Variants in SPINK5 observed in about 807,000 individuals in gnomAD.
SPINK5 encodes the protein serine protease inhibitor Kazal-type 5.
SPINK5 carries 125 observed loss-of-function variants against 151.8 expected under a neutral mutation model. The ratio of observed to expected loss-of-function variants is 0.82; its 90% confidence interval spans 0.71 to 0.96. The LOEUF is 0.96. Among genes scored for constraint, SPINK5 ranks in the 40% least tolerant of loss-of-function variants. SPINK5 has a pLI of 0.00. For synonymous variants in SPINK5, 374 were observed against 395.3 expected, an observed-to-expected ratio of 0.95 and a Z score of 0.64; for missense variants, 1,194 against 1,291.9, an observed-to-expected ratio of 0.92 and a Z score of 1.16.
At position 148,101,884 on chromosome 5, in the gene SPINK5, C is replaced by T; in HGVS notation, c.1406C>T (p.Thr469Ile). 4 of 1,613,706 alleles carry T rather than the reference C, an allele frequency of 2.5e-6. No individual in the cohort carries two copies. The highest frequency in any genetic ancestry group is 3.4e-6 in the Non-Finnish European group (4 of 1,179,728). Residue 469 changes from threonine to isoleucine, a missense_variant, in exon 15 of 33, where the codon ACC becomes ATC. Physicochemically the swap from Thr to Ile is moderately conservative, Grantham distance 89. Transcript: ENST00000256084. ...QGPDGKMHGN[T>I]CSMCEAFFQQ... ...CCAGATGGAAAAATGCATGGCAACACCTGCTCCATGTGTGAGGCCTTCTTG... is the reference window on the plus strand; with the variant it reads ...CCAGATGGAAAAATGCATGGCAACATCTGCTCCATGTGTGAGGCCTTCTTG...
In SPINK5 at chr5:148,127,442, C is replaced by T. The variant is rs551030051; in HGVS notation, c.2964+363C>T. ...TCTTAGCTTCCTCACCTAGCTTCCG[C>T]TTATTTCCCTCCTCCAACCAAATCT... is the stretch of plus-strand genomic sequence containing the variant. On this transcript the variant is annotated intron_variant, in intron 30 of 32. Coordinates refer to ENST00000256084, the MANE Select transcript of SPINK5 (RefSeq NM_006846.4). Among the ~76,000 whole-genome samples the T allele has an allele frequency of 2.6e-5, 4 of 152,304 alleles. No homozygotes were observed. The South Asian group carries it at 8.3e-4, about 32-fold the overall frequency.
At chr5:148,124,640 T>G (rs1754380787) in intron 27 of SPINK5, 125 bp from the exon 28 acceptor site, 2 of 626,406 alleles carry the variant, frequency 3.2e-6, no homozygotes, top group Non-Finnish European at 5.0e-6. Flanking sequence ...CTTAGATTTT[T>G]TTTTAGGTAT....
In SPINK5 at chr5:148,131,343, G is replaced by A. The variant is rs560325947; in HGVS notation, c.3049G>A (p.Asp1017Asn). The part of the protein sequence containing the change: ...PKDLKPVCGD[D>N]GQTYNNPCML... The stretch of plus-strand genomic sequence containing the variant: ...GGATTTAAAGCCTGTCTGTGGTGAC[G>A]ATGGCCAAACCTACAACAATCCTTG... The change falls in exon 31 of 33, where the codon GAT (aspartate) becomes AAT (asparagine). Residue 1017 changes from aspartate to asparagine, a missense_variant. By Grantham distance (23) the Asp-to-Asn change is conservative (BLOSUM62 1). Coordinates refer to ENST00000256084, the MANE Select transcript of SPINK5 (RefSeq NM_006846.4). The A allele has an allele frequency of 1.2e-5, 19 of 1,613,804 alleles. No homozygotes were observed. The highest frequency in any genetic ancestry group is 1.6e-4 in the Middle Eastern group (1 of 6,084).
At chr5:148,098,071 A>G in intron 11 of SPINK5, 77 bp downstream of exon 11, 4 of 1,389,364 alleles carry the variant, frequency 2.9e-6, no homozygotes, top group Non-Finnish European at 4.0e-6. Context: ...TCTTTCATAG[A>G]TGGGGAGACT....
chr5:148,112,685 AAAAC>A (rs149567477), intron 19 of SPINK5, among the ~76,000 whole-genome samples, 179 bp from the exon 20 acceptor site: 2 of 151,556 alleles, frequency 1.3e-5, no homozygotes, highest in South Asian at 2.1e-4. Flanking sequence ...AAAAAACCAA[AAAAC>A]AAACAAACAA....
intron 1 of SPINK5, among the ~76,000 whole-genome samples, chr5:148,064,520 G>A (rs1231166795): frequency 6.6e-6 from 1 of 152,126 alleles, no homozygotes; most frequent in African/African-American, 2.4e-5. Context: ...TCAATCATCT[G>A]TTCTTATTTT....
chr5:148,112,525 T>C (rs1249507897), intron 19 of SPINK5, among the ~76,000 whole-genome samples: 1 of 151,920 alleles, frequency 6.6e-6, no homozygotes, highest in East Asian at 1.9e-4. Flanking sequence ...ATATAAAAAT[T>C]AACTGGGCAT....
intron 28 of SPINK5, among the ~76,000 whole-genome samples, chr5:148,125,281 A>G (rs1187971964): frequency 1.3e-5 from 2 of 152,232 alleles, no homozygotes; most frequent in African/African-American, 4.8e-5. Context: ...TCAGCATTAA[A>G]GAATCAGCAG....
intron 4 of SPINK5, among the ~76,000 whole-genome samples, chr5:148,079,475 A>G (rs1181136152): frequency 6.6e-6 from 1 of 151,230 alleles, no homozygotes; most frequent in East Asian, 1.9e-4. Flanking sequence ...ACTGACAAAT[A>G]TTCCTCATAA....
At position 148,124,436 on chromosome 5, in the gene SPINK5, A is replaced by G. The variant is rs3777131; in HGVS notation, c.2667-329A>G. On this transcript the variant is annotated intron_variant, in intron 27 of 32. Coordinates refer to ENST00000256084, the MANE Select transcript of SPINK5 (RefSeq NM_006846.4). ...TTGGTTATAATTTAATTGGAAAAGT[A>G]AAAATGAGAATTATAGCAACTTTCT... is the stretch of plus-strand genomic sequence containing the variant. 2.4e-3 allele frequency among the ~76,000 whole-genome samples: 364 copies of G among 152,364 alleles called. 8 individuals are homozygous for G. The East Asian group carries it at 0.061, about 26-fold the overall frequency.
intron 26 of SPINK5, among the ~76,000 whole-genome samples, chr5:148,121,146 A>G (rs1754251412): frequency 6.7e-6 from 1 of 148,550 alleles, no homozygotes; most frequent in Non-Finnish European, 1.5e-5. Context: ...TCTGTCTCAA[A>G]AAAAAAAAAA....
At chr5:148,103,933 G>C (rs1158486395) in intron 15 of SPINK5, among the ~76,000 whole-genome samples, 1 of 151,988 alleles carries the variant, frequency 6.6e-6, no homozygotes, top group African/African-American at 2.4e-5. Flanking sequence ...TTATGCTGTA[G>C]ATCCAATCCA....
At position 148,123,821 on chromosome 5, in the gene SPINK5, T is replaced by C. The variant is rs367719177; in HGVS notation, c.2539-12T>C. The C allele has an allele frequency of 1.2e-6, 2 of 1,613,942 alleles. No homozygotes were observed. Among genetic ancestry groups the C allele is most frequent in the Admixed American group, 3.3e-5 (2 of 60,002 alleles). On this transcript the variant is annotated splice_polypyrimidine_tract_variant and intron_variant, in intron 26 of 32. Transcript: ENST00000256084. ...CCATGACAGTAACAACTTTTTCTGC[T>C]ACTGTTGGTAGGATCTGTGTCGTGA...
chr5:148,130,620 T>A (rs1370398896), intron 30 of SPINK5, among the ~76,000 whole-genome samples: 1 of 152,160 alleles, frequency 6.6e-6, no homozygotes, highest in African/African-American at 2.4e-5. Context: ...AAAATATACA[T>A]ATGTTTTTTA....
chr5:148,099,183 A>G, intron 11 of SPINK5, 51 bp from the exon 12 acceptor site: 1 of 1,513,916 alleles, frequency 6.6e-7, no homozygotes, highest in Non-Finnish European at 9.1e-7. Flanking sequence ...TGGAGAAATC[A>G]TGGCATGTGT....
chr5:148,086,920 A>G (rs1161431607), intron 5 of SPINK5, among the ~76,000 whole-genome samples: 7 of 143,428 alleles, frequency 4.9e-5, no homozygotes, highest in Non-Finnish European at 7.5e-5. Flanking sequence ...TTTATAATCT[A>G]TAAGTTATAG....
intron 23 of SPINK5, 72 bp from the exon 24 acceptor site, chr5:148,118,914 G>A (rs528028682): frequency 2.2e-4 from 330 of 1,470,356 alleles, no homozygotes; most frequent in Non-Finnish European, 2.9e-4. Context: ...TCATTTGCAC[G>A]GGACACACTT....
chr5:148,064,752 A>G (rs1184396187), intron 1 of SPINK5, among the ~76,000 whole-genome samples: 1 of 152,186 alleles, frequency 6.6e-6, no homozygotes, highest in Non-Finnish European at 1.5e-5. Context: ...GAAATCATAT[A>G]CAAATAATGC....
intron 28 of SPINK5, 91 bp from the exon 29 acceptor site, chr5:148,125,632 C>G (rs1754410441): frequency 6.2e-7 from 1 of 1,614,018 alleles, no homozygotes; most frequent in Non-Finnish European, 8.5e-7. Flanking sequence ...GAGCCCAGAG[C>G]TAAGAGAGGA....
Sources: gnomAD v4.1 joint callset for allele counts (sites outside exome capture counted in the v4.1 genomes callset) on GRCh38, gnomAD v4.1.1 for gene constraint, MANE v1.5 for transcripts, NCBI Gene and HGNC (gene_info 2026-07-23, HGNC 2026-07-21) for gene names.